SLC8A1: variants seen among roughly 807,000 people sequenced by gnomAD.
The protein encoded by SLC8A1 is sodium/calcium exchanger 1.
A neutral mutation model predicts 68.3 loss-of-function variants in SLC8A1; 18 were observed. That is an observed-to-expected ratio of 0.26 (90% CI 0.18 to 0.39). The LOEUF is 0.39. SLC8A1 is among the 10% of genes least tolerant of loss of function. The pLI is 1.00. For synonymous variants in SLC8A1, 475 were observed against 415.5 expected (o/e 1.14, Z -1.74); for missense variants, 985 against 1,156.7 (o/e 0.85, Z 2.15).
intron 1 of SLC8A1, among the ~76,000 whole-genome samples, chr2:40,463,895 TATAG>T (rs1372826261): frequency 7.0e-6 from 1 of 143,058 alleles, no homozygotes; most frequent in Non-Finnish European, 1.5e-5. Context: ...CACATATATA[TATAG>T]AGAGAGAGAC....
At chr2:40,316,891 C>T (rs768510169) in intron 2 of SLC8A1, among the ~76,000 whole-genome samples, 2 of 151,932 alleles carry the variant, frequency 1.3e-5, no homozygotes, top group African/African-American at 4.8e-5. Flanking sequence ...TTCATCATCC[C>T]TGAAAGTCCC....
intron 7 of SLC8A1, among the ~76,000 whole-genome samples, chr2:40,133,923 G>T (rs2039964914): frequency 6.6e-6 from 1 of 152,026 alleles, no homozygotes; most frequent in African/African-American, 2.4e-5. Context: ...GTGGCCCTTA[G>T]TCCAAAAAAA....
intron 7 of SLC8A1, among the ~76,000 whole-genome samples, chr2:40,132,837 T>C (rs1469181183): frequency 6.6e-6 from 1 of 152,196 alleles, no homozygotes. Flanking sequence ...ATAGATAAAG[T>C]ATATACAGTG....
At chr2:40,309,406 C>A (rs370763864) in intron 2 of SLC8A1, among the ~76,000 whole-genome samples, 1 of 151,970 alleles carries the variant, frequency 6.6e-6, no homozygotes, top group African/African-American at 2.4e-5. Context: ...GCTGGAGCTA[C>A]CTGATTCTAT....
chr2:40,099,715 G>C (rs1400366452), exon 8 of SLC8A1: 3 of 151,956 alleles, frequency 2.0e-5, no homozygotes, highest in African/African-American at 7.2e-5. Context: ...TTTTCTTTAT[G>C]GATTGACTAT....
intron 2 of SLC8A1, among the ~76,000 whole-genome samples, chr2:40,328,623 C>T (rs1347841880): frequency 6.6e-6 from 1 of 152,200 alleles, no homozygotes. Context: ...GCAGTTTAAA[C>T]TAGATATCCC....
intron 1 of SLC8A1, among the ~76,000 whole-genome samples, chr2:40,464,671 T>G (rs1703555577): frequency 6.6e-6 from 1 of 152,068 alleles, no homozygotes; most frequent in Non-Finnish European, 1.5e-5. Flanking sequence ...TAAAACAGTC[T>G]GAGAAGTGGG....
At chr2:40,198,188 G>C (rs2053457936) in intron 2 of SLC8A1, among the ~76,000 whole-genome samples, 1 of 152,022 alleles carries the variant, frequency 6.6e-6, no homozygotes, top group Middle Eastern at 3.4e-3. Context: ...ATATAGGAAG[G>C]GAACATGTGA....
intron 2 of SLC8A1, among the ~76,000 whole-genome samples, chr2:40,263,634 C>G (rs1287268153): frequency 6.6e-6 from 1 of 152,000 alleles, no homozygotes; most frequent in Non-Finnish European, 1.5e-5. Flanking sequence ...TGGTGCTAGC[C>G]ATTTATGGAA....
At chr2:40,499,452 C>A in intron 1 of SLC8A1, among the ~76,000 whole-genome samples, 1 of 152,042 alleles carries the variant, frequency 6.6e-6, no homozygotes, top group East Asian at 1.9e-4. Flanking sequence ...TGCTTTTGTG[C>A]CAACTTCCAC....
At chr2:40,404,604 A>G (rs1689755953) in intron 2 of SLC8A1, among the ~76,000 whole-genome samples, 1 of 152,330 alleles carries the variant, frequency 6.6e-6, no homozygotes, top group Non-Finnish European at 1.5e-5. Flanking sequence ...CATGTGCTGT[A>G]TTTATTAAGA....
At chr2:40,380,771 A>G (rs559469127) in intron 2 of SLC8A1, among the ~76,000 whole-genome samples, 7 of 152,204 alleles carry the variant, frequency 4.6e-5, no homozygotes, top group Non-Finnish European at 7.4e-5. Flanking sequence ...CACAAAGGAA[A>G]AGGAGAAAAT....
chr2:40,442,139 T>A (rs567236793), intron 1 of SLC8A1, among the ~76,000 whole-genome samples: 16 of 151,006 alleles, frequency 1.1e-4, no homozygotes, highest in Non-Finnish European at 1.9e-4. Context: ...GCATGGCACA[T>A]GTATACATAT....
At chr2:40,402,093 G>C (rs551972833) in intron 2 of SLC8A1, among the ~76,000 whole-genome samples, 1 of 152,270 alleles carries the variant, frequency 6.6e-6, no homozygotes, top group South Asian at 2.1e-4. Flanking sequence ...CGCGATACAG[G>C]TCAAAGGCCT....
chr2:40,142,235 G>T (rs910073003), intron 6 of SLC8A1, among the ~76,000 whole-genome samples: 1 of 151,724 alleles, frequency 6.6e-6, no homozygotes, highest in Non-Finnish European at 1.5e-5. Flanking sequence ...TTAGCTCCAG[G>T]TAGAACTCCA....
intron 1 of SLC8A1, among the ~76,000 whole-genome samples, chr2:40,437,903 G>A (rs1005435133): frequency 6.6e-6 from 1 of 152,212 alleles, no homozygotes; most frequent in South Asian, 2.1e-4. Flanking sequence ...GGCACTGGCA[G>A]AATCAAGGAG....
chr2:40,155,836 G>A (rs72792718), intron 6 of SLC8A1, among the ~76,000 whole-genome samples: 2 of 152,102 alleles, frequency 1.3e-5, no homozygotes, highest in African/African-American at 4.8e-5. Context: ...GCTGGAACTG[G>A]GTCACTTTAA....
chr2:40,429,273 C>T lies in SLC8A1; in HGVS notation c.1008G>A (p.Lys336=), dbSNP rs1576422493. 3 of 1,613,916 alleles carry T rather than the reference C, an allele frequency of 1.9e-6. No individual in the cohort carries two copies. The highest frequency in any genetic ancestry group is 1.7e-4 in the Middle Eastern group (1 of 6,060). Residue 336 remains lysine (K), a synonymous_variant, in exon 2 of 8, where the codon AAG becomes AAA. Coordinates refer to ENST00000406785, the Ensembl canonical transcript of SLC8A1. ...ATTGCTCTATTTCTTTATCTGGATG[C>T]TTCTGCTTAAGTTCCTTCAGAATCC... is the stretch of plus-strand genomic sequence containing the variant.
chr2:40,484,061 T>C (rs1704802181), intron 1 of SLC8A1, among the ~76,000 whole-genome samples: 2 of 152,194 alleles, frequency 1.3e-5, no homozygotes. Flanking sequence ...TTCCAATGCA[T>C]AGAGAGGGTA....
Sources: gnomAD v4.1 joint callset for allele counts (sites outside exome capture counted in the v4.1 genomes callset) on GRCh38, gnomAD v4.1.1 for gene constraint, MANE v1.5 for transcripts, NCBI Gene and HGNC (gene_info 2026-07-23, HGNC 2026-07-21) for gene names.